Variants in LNX1 observed in about 807,000 individuals in gnomAD.
LNX1 encodes E3 ubiquitin-protein ligase LNX.
Under a neutral mutation model 68.4 loss-of-function variants are expected in LNX1, and 54 were observed. That is an observed-to-expected ratio of 0.79 (90% CI 0.63 to 0.99). The LOEUF (loss-of-function observed/expected upper bound fraction) is 0.99. Ranked by LOEUF, LNX1 falls within the 50% of genes least tolerant of loss-of-function variation. LNX1 has a pLI of 0.00. For missense variants in LNX1, 906 were observed against 926.4 expected (o/e 0.98, Z 0.29); for synonymous variants, 336 against 350.0 (o/e 0.96, Z 0.45).
intron 1 of LNX1, among the ~76,000 whole-genome samples, chr4:53,585,487 C>A (rs1732108960): frequency 6.6e-6 from 1 of 152,118 alleles, no homozygotes; most frequent in Admixed American, 6.5e-5. Flanking sequence ...AACCCCAGAA[C>A]CTGTGACTAT....
chr4:53,481,630 C>T (rs1330788304), intron 7 of LNX1, 90 bp downstream of exon 7: 1 of 1,404,364 alleles, frequency 7.1e-7, no homozygotes, highest in Non-Finnish European at 9.5e-7. Flanking sequence ...GTAAAAAAGT[C>T]CAGAGATGAC....
intron 2 of LNX1, among the ~76,000 whole-genome samples, chr4:53,599,084 T>A (rs1261235581): frequency 6.6e-6 from 1 of 152,178 alleles, no homozygotes; most frequent in Non-Finnish European, 1.5e-5. Context: ...CTTTCCTGAG[T>A]TTGCAGAGCT....
intron 1 of LNX1, among the ~76,000 whole-genome samples, chr4:53,648,454 G>GT (rs149689122): frequency 0.11 from 17,422 of 152,166 alleles, 1,158 homozygotes; most frequent in Non-Finnish European, 0.16. Flanking sequence ...GAATTGGGTT[G>GT]TTTTTTGTTG....
chr4:53,592,294 CAG>C (rs1045945656), upstream of LNX1, among the ~76,000 whole-genome samples: 3 of 152,152 alleles, frequency 2.0e-5, no homozygotes, highest in Non-Finnish European at 4.4e-5. Context: ...AAAGAGACGT[CAG>C]AGTTATTTCT....
intron 1 of LNX1, among the ~76,000 whole-genome samples, chr4:53,644,124 C>T (rs561313727): frequency 3.3e-5 from 5 of 152,062 alleles, no homozygotes; most frequent in Admixed American, 6.6e-5. Context: ...AGGTCAGGAA[C>T]GGTGGCTCAT....
chr4:53,499,288 A>G (rs1725304242), intron 4 of LNX1, among the ~76,000 whole-genome samples: 1 of 152,090 alleles, frequency 6.6e-6, no homozygotes, highest in Admixed American at 6.5e-5. Flanking sequence ...CCTCCCAAGT[A>G]GCTAAGACTA....
At chr4:53,547,875 G>A (rs745475895) in intron 2 of LNX1, among the ~76,000 whole-genome samples, 4 of 152,130 alleles carry the variant, frequency 2.6e-5, no homozygotes, top group Non-Finnish European at 5.9e-5. Context: ...GATGAATATG[G>A]TTCGGGGGTC....
upstream of LNX1, among the ~76,000 whole-genome samples, chr4:53,594,406 C>T (rs183178854): frequency 2.6e-5 from 4 of 152,006 alleles, no homozygotes; most frequent in East Asian, 7.7e-4. Flanking sequence ...AAATTTAATC[C>T]GAGTGGCCAT....
At chr4:53,495,922 T>C (rs537969921) in intron 6 of LNX1, 101 bp downstream of exon 6, 50 of 1,380,186 alleles carry the variant, frequency 3.6e-5, no homozygotes, top group Non-Finnish European at 4.6e-5. Flanking sequence ...AGGCACTGCA[T>C]GACACATGTG....
At chr4:53,643,499 A>G (rs1224544823) in intron 1 of LNX1, among the ~76,000 whole-genome samples, 1 of 152,108 alleles carries the variant, frequency 6.6e-6, no homozygotes, top group Admixed American at 6.6e-5. Flanking sequence ...GAGTGGACAG[A>G]GGGTGGCTGA....
intron 7 of LNX1, among the ~76,000 whole-genome samples, chr4:53,480,418 T>C (rs1005230192): frequency 5.3e-5 from 8 of 152,240 alleles, no homozygotes; most frequent in Non-Finnish European, 1.0e-4. Context: ...CATAATTTGA[T>C]GACTTAGAAT....
intron 2 of LNX1, among the ~76,000 whole-genome samples, chr4:53,520,551 G>T (rs1727139567): frequency 6.6e-6 from 1 of 152,188 alleles, no homozygotes; most frequent in South Asian, 2.1e-4. Context: ...TGCGACAGAT[G>T]ATTTGAGTTT....
chr4:53,650,176 C>A (rs151152267), intron 1 of LNX1, among the ~76,000 whole-genome samples: 1 of 152,318 alleles, frequency 6.6e-6, no homozygotes, highest in East Asian at 1.9e-4. Context: ...TGTCCCCCAT[C>A]AAAGACAGTG....
chr4:53,577,441 T>C (rs963999036), intron 1 of LNX1, among the ~76,000 whole-genome samples: 7 of 152,200 alleles, frequency 4.6e-5, no homozygotes, highest in African/African-American at 1.7e-4. Context: ...CCCTTGTTGG[T>C]GAAATGGTGG....
intron 2 of LNX1, among the ~76,000 whole-genome samples, chr4:53,530,985 T>TA (rs768360402): frequency 1.2e-4 from 19 of 152,250 alleles, no homozygotes; most frequent in Non-Finnish European, 2.2e-4. Flanking sequence ...GCCAACATGG[T>TA]AAAACCCCGA....
At chr4:53,626,655 C>A (rs1284577356) in intron 1 of LNX1, among the ~76,000 whole-genome samples, 1 of 152,182 alleles carries the variant, frequency 6.6e-6, no homozygotes, top group African/African-American at 2.4e-5. Flanking sequence ...TACATCTCTT[C>A]TCATTCAAAA....
intron 1 of LNX1, among the ~76,000 whole-genome samples, chr4:53,641,203 CG>C (rs1734669718): frequency 1.0e-4 from 3 of 29,724 alleles, no homozygotes; most frequent in South Asian, 1.3e-3. Flanking sequence ...TGGGGAAGGG[CG>C]GGGTGGGGGG....
At chr4:53,591,844 G>A (rs1209275407), upstream of LNX1, 1 of 152,298 alleles carries the variant, frequency 6.6e-6, no homozygotes, top group Non-Finnish European at 1.5e-5. Context: ...AGTTAAAAGG[G>A]AAGTTTAAAC....
At chr4:53,481,911 AC>A in intron 6 of LNX1, 57 bp from the exon 7 acceptor site, 1 of 1,475,842 alleles carries the variant, frequency 6.8e-7, no homozygotes, top group African/African-American at 1.4e-5. Context: ...TGCATTCAGC[AC>A]CAGGAGCTTA....
Sources: gnomAD v4.1 joint callset for allele counts (sites outside exome capture counted in the v4.1 genomes callset) on GRCh38, gnomAD v4.1.1 for gene constraint, MANE v1.5 for transcripts, NCBI Gene and HGNC (gene_info 2026-07-23, HGNC 2026-07-21) for gene names.